The following KALRN variants were observed in gnomAD, a reference collection of about 807,000 sequenced individuals.
The protein encoded by KALRN is kalirin.
Under a neutral mutation model 353.7 loss-of-function variants are expected in KALRN, and 70 were observed. The observed-to-expected ratio is 0.20, with a 90% confidence interval of 0.16 to 0.24. The LOEUF (loss-of-function observed/expected upper bound fraction) is 0.24, where lower values mean the gene tolerates loss of function less well. Ranked by LOEUF, KALRN falls within the 10% of genes least tolerant of loss-of-function variation. KALRN has a pLI of 1.00. For missense variants in KALRN, 2,791 were observed against 3,756.7 expected, an observed-to-expected ratio of 0.74 and a Z score of 6.72; for synonymous variants, 1,391 against 1,434.8, an observed-to-expected ratio of 0.97 and a Z score of 0.69.
intron 45 of KALRN, among the ~76,000 whole-genome samples, chr3:124,665,368 A>G (rs1431060437): frequency 6.6e-6 from 1 of 152,184 alleles, no homozygotes; most frequent in Non-Finnish European, 1.5e-5. Context: ...AGAAACTGGC[A>G]AACCAAATAG....
At chr3:124,494,073 G>C (rs558789398) in intron 32 of KALRN, among the ~76,000 whole-genome samples, 3 of 152,352 alleles carry the variant, frequency 2.0e-5, no homozygotes, top group African/African-American at 7.2e-5. Flanking sequence ...AGGTGAGGCT[G>C]ACTAGGCTTA....
intron 8 of KALRN, 116 bp downstream of exon 8, chr3:124,330,108 G>GT: frequency 8.9e-7 from 1 of 1,128,050 alleles, no homozygotes. Context: ...AGAAGAGGCT[G>GT]TTTTTCTTTT....
At chr3:124,647,555 C>T (rs1161327207) in intron 37 of KALRN, among the ~76,000 whole-genome samples, 1 of 152,208 alleles carries the variant, frequency 6.6e-6, no homozygotes, top group Non-Finnish European at 1.5e-5. Flanking sequence ...TTTCCTTCTC[C>T]ATCCCACCAT....
chr3:124,255,661 A>T (rs1454327986), intron 3 of KALRN, among the ~76,000 whole-genome samples: 3 of 152,224 alleles, frequency 2.0e-5, no homozygotes, highest in Admixed American at 1.3e-4. Flanking sequence ...CACAATAGCC[A>T]TGACAGTTGC....
Position 124,384,995 on chromosome 3 carries a change from C to A in KALRN, c.1921C>A (p.Leu641Ile), listed in dbSNP as rs1172076286. ...GCGCAGGGTGGAGCAGCGGAAGCTT[C>A]TCCTGGACATGTCTGTTTCCTTCCA... ...FVRRVEQRKL[L>I]LDMSVSFHTH... The change falls in exon 11 of 60, where the codon CTC (leucine) becomes ATC (isoleucine). Residue 641 changes from leucine to isoleucine, a missense_variant. Leu to Ile is a conservative substitution (Grantham distance 5). This residue lies in a region of KALRN where 452 missense variants were observed against 575.8 expected (regional missense o/e 0.78). Transcript: ENST00000682506. 2 of 1,612,654 alleles carry A rather than the reference C, an allele frequency of 1.2e-6. No individual in the cohort carries two copies. Among genetic ancestry groups the A allele is most frequent in the Non-Finnish European group, 1.7e-6 (2 of 1,179,306 alleles).
At chr3:124,539,148 G>A (rs1310515618) in intron 33 of KALRN, among the ~76,000 whole-genome samples, 1 of 152,204 alleles carries the variant, frequency 6.6e-6, no homozygotes, top group Non-Finnish European at 1.5e-5. Context: ...GGGGAGCCAA[G>A]GGAAGCAGTC....
intron 1 of KALRN, among the ~76,000 whole-genome samples, chr3:124,069,099 C>G (rs1301168399): frequency 5.3e-5 from 8 of 152,106 alleles, no homozygotes; most frequent in Admixed American, 5.2e-4. Flanking sequence ...TAAAATTGAG[C>G]ATTTTCACAA....
chr3:124,675,571 ATTGGCAT>A (rs574531782), intron 49 of KALRN: 95 of 100,054 alleles, frequency 9.5e-4, no homozygotes, highest in African/African-American at 3.3e-3. Flanking sequence ...GGGTGAATGC[ATTGGCAT>A]TTTTTTTTCC....
At chr3:124,695,988 G>C (rs1402343899) in intron 53 of KALRN, 146 bp from the exon 54 acceptor site, 2 of 699,540 alleles carry the variant, frequency 2.9e-6, no homozygotes, top group Non-Finnish European at 4.8e-6. Context: ...AGAGAAACAG[G>C]GTGGTAGGTA....
chr3:124,722,539 AAG>A lies in KALRN; in HGVS notation c.*3074_*3075del, dbSNP rs1021977849. On this transcript the variant is annotated 3_prime_UTR_variant, in exon 60 of 60. Coordinates refer to ENST00000682506, the MANE Select transcript of KALRN (RefSeq NM_001388419.1). Reference sequence around the variant, plus strand: ...GCTCCTGGTCCCTCCCAACAGAGATAAGAGAGTAGTCTTGGTTCAAGAGTTCT... The same window carrying A: ...GCTCCTGGTCCCTCCCAACAGAGATAAGAGTAGTCTTGGTTCAAGAGTTCT... The A allele has an allele frequency of 1.3e-5, 2 of 152,166 alleles. No individual in the cohort carries two copies. The highest frequency in any genetic ancestry group is 4.8e-5 in the African/African-American group (2 of 41,436). 9.4% of individuals were successfully genotyped at this position (152,166 alleles called of 1,614,324 possible).
chr3:124,495,990 TATATATATATATATATATATATAC>T (rs2063756741), intron 32 of KALRN, among the ~76,000 whole-genome samples: 1 of 58,530 alleles, frequency 1.7e-5, no homozygotes, highest in Non-Finnish European at 3.1e-5. Flanking sequence ...TATATATATA[TATATATATATATATATATATATAC>T]ACACACATAT....
chr3:124,698,031 G>A (rs1309464345), intron 55 of KALRN, among the ~76,000 whole-genome samples: 1 of 152,082 alleles, frequency 6.6e-6, no homozygotes, highest in Non-Finnish European at 1.5e-5. Context: ...GTGCAGTGGT[G>A]CAATGTGGGC....
At position 124,702,070 on chromosome 3, in the gene KALRN, A is replaced by G. The variant is rs772181764; in HGVS notation, c.8029A>G (p.Lys2677Glu). Residue 2677 changes from lysine (K) to glutamate (E), a missense_variant, in exon 57 of 60, where the codon AAG becomes GAG. Lys to Glu is a moderately conservative substitution (Grantham distance 56). Coordinates refer to ENST00000682506, the MANE Select transcript of KALRN (RefSeq NM_001388419.1). ...AAADGATISW[K>E]ENFDSAYTEL... is the part of the protein sequence containing the mutation. ...TGCTGATGGTGCCACCATTTCTTGG[A>G]AGGAAAATTTTGACTCAGCTTACAC... 1 of 1,613,846 alleles carries G rather than the reference A, an allele frequency of 6.2e-7. No homozygotes were observed. Among genetic ancestry groups the G allele is most frequent in the Non-Finnish European group, 8.5e-7 (1 of 1,179,912 alleles).
At chr3:124,303,961 C>T (rs577791650) in intron 6 of KALRN, among the ~76,000 whole-genome samples, 1 of 152,224 alleles carries the variant, frequency 6.6e-6, no homozygotes, top group South Asian at 2.1e-4. Flanking sequence ...CTGAGGCAGG[C>T]AGGTGGTCTC....
intron 27 of KALRN, among the ~76,000 whole-genome samples, chr3:124,482,434 T>A (rs368523638): frequency 6.6e-6 from 1 of 152,182 alleles, no homozygotes; most frequent in Non-Finnish European, 1.5e-5. Context: ...TGTACTCTCA[T>A]CTCCCCTTTT....
rs1345143289 is a variant in KALRN, at chr3:124,462,474, T to C, written c.3922-50T>C. The C allele has an allele frequency of 2.7e-6, 3 of 1,105,580 alleles. No homozygotes were observed. The Admixed American group carries it at 5.3e-5, about 20-fold the overall frequency. 68.5% of individuals were successfully genotyped at this position (1,105,580 alleles called of 1,614,324 possible). A position where few individuals can be genotyped will look rare whatever the true frequency, so the allele number is the denominator to read the frequency against. On this transcript the variant is annotated intron_variant, in intron 24 of 59. Transcript: ENST00000682506. Reference sequence around the variant, plus strand: ...AGCACCTGTGTATTTTGTCTGTATTTTATATGGCCTGCCAGACTTGCCAGT... The same window carrying C: ...AGCACCTGTGTATTTTGTCTGTATTCTATATGGCCTGCCAGACTTGCCAGT...
chr3:124,393,662 A>G (rs1262753033), intron 11 of KALRN, among the ~76,000 whole-genome samples: 1 of 152,256 alleles, frequency 6.6e-6, no homozygotes, highest in South Asian at 2.1e-4. Context: ...TAAAGCATTA[A>G]TAATAAGAAA....
intron 6 of KALRN, among the ~76,000 whole-genome samples, chr3:124,305,903 T>C (rs914281641): frequency 6.7e-6 from 1 of 150,332 alleles, no homozygotes; most frequent in African/African-American, 2.5e-5. Flanking sequence ...AGAAAAAAAA[T>C]AAAAAACAGT....
chr3:124,094,909 C>T, intron 1 of KALRN: 2 of 1,613,358 alleles, frequency 1.2e-6, no homozygotes. Context: ...ATCGAGGTAT[C>T]CTGAGTGTGT....
Sources: gnomAD v4.1 joint callset for allele counts (sites outside exome capture counted in the v4.1 genomes callset) on GRCh38, gnomAD v4.1.1 for gene constraint, gnomAD v4.1.1 regional missense constraint, MANE v1.5 for transcripts, NCBI Gene and HGNC (gene_info 2026-07-23, HGNC 2026-07-21) for gene names.